Variants in TMEM132D observed in about 807,000 individuals in gnomAD.
TMEM132D encodes transmembrane protein 132D, also known as mature OL transmembrane protein.
A neutral mutation model predicts 62.3 loss-of-function variants in TMEM132D; 21 were observed. The ratio of observed to expected loss-of-function variants is 0.34; its 90% CI spans 0.24 to 0.49. The LOEUF is 0.49. Ranked by LOEUF, TMEM132D falls within the 20% of genes least tolerant of loss-of-function variation. The pLI is 0.99. For synonymous variants in TMEM132D, 621 were observed against 575.6 expected (o/e 1.08, Z -1.13); for missense variants, 1,346 against 1,402.8 (o/e 0.96, Z 0.65).
intron 3 of TMEM132D, among the ~76,000 whole-genome samples, chr12:129,444,800 G>C (rs955267175): frequency 6.6e-6 from 1 of 152,184 alleles, no homozygotes; most frequent in African/African-American, 2.4e-5. Context: ...ATACCAGTCA[G>C]AATGGCTACT....
At chr12:129,552,984 G>T (rs1876942355) in intron 2 of TMEM132D, among the ~76,000 whole-genome samples, 2 of 152,110 alleles carry the variant, frequency 1.3e-5, no homozygotes, top group African/African-American at 4.8e-5. Flanking sequence ...CTACAACATG[G>T]ATGCCCCAAG....
At chr12:129,605,587 T>TTATATA (rs71301340) in intron 2 of TMEM132D, among the ~76,000 whole-genome samples, 2,150 of 107,308 alleles carry the variant, frequency 0.02, 132 homozygotes, top group Admixed American at 0.056. Context: ...AAATTAGGCA[T>TTATATA]TATATATATA....
intron 1 of TMEM132D, among the ~76,000 whole-genome samples, chr12:129,712,318 G>T (rs1176175148): frequency 1.3e-5 from 2 of 152,074 alleles, no homozygotes; most frequent in Non-Finnish European, 2.9e-5. Context: ...TAGAAACGGG[G>T]TTTCACCATG....
intron 5 of TMEM132D, among the ~76,000 whole-genome samples, chr12:129,092,461 TA>T (rs1180669362): frequency 6.6e-6 from 1 of 152,106 alleles, no homozygotes; most frequent in African/African-American, 2.4e-5. Flanking sequence ...TGTCTTGGAT[TA>T]AAAATGTGGA....
At chr12:129,885,194 C>A (rs182552557) in intron 1 of TMEM132D, among the ~76,000 whole-genome samples, 56 of 152,296 alleles carry the variant, frequency 3.7e-4, no homozygotes, top group Middle Eastern at 3.4e-3. Flanking sequence ...TTGATTTTGG[C>A]AACGGTTACC....
At chr12:129,196,315 G>GT (rs1398592322) in intron 5 of TMEM132D, among the ~76,000 whole-genome samples, 2 of 152,168 alleles carry the variant, frequency 1.3e-5, no homozygotes, top group Admixed American at 6.5e-5. Context: ...AAGGGCATGT[G>GT]TCCCTCAGTC....
At chr12:129,352,538 T>C (rs1048373599) in intron 3 of TMEM132D, among the ~76,000 whole-genome samples, 1 of 151,548 alleles carries the variant, frequency 6.6e-6, no homozygotes, top group Admixed American at 6.6e-5. Flanking sequence ...ATCCAGAATC[T>C]ACAAGGAACT....
intron 1 of TMEM132D, among the ~76,000 whole-genome samples, chr12:129,707,124 TAAATC>T (rs1317641660): frequency 6.7e-6 from 1 of 148,838 alleles, no homozygotes; most frequent in Non-Finnish European, 1.5e-5. Flanking sequence ...AATTGAGAAT[TAAATC>T]AAAGAGGTGT....
intron 5 of TMEM132D, among the ~76,000 whole-genome samples, chr12:129,183,388 T>C (rs1878124213): frequency 6.6e-6 from 1 of 152,220 alleles, no homozygotes; most frequent in Non-Finnish European, 1.5e-5. Flanking sequence ...GTCAAAGCTC[T>C]CTGTGGCCGA....
intron 2 of TMEM132D, among the ~76,000 whole-genome samples, chr12:129,587,176 T>C (rs1029120199): frequency 2.6e-5 from 4 of 152,100 alleles, no homozygotes; most frequent in African/African-American, 9.7e-5. Context: ...AAAAAAAATG[T>C]GGTACATATA....
chr12:129,777,422 G>A (rs1870974159), intron 1 of TMEM132D, among the ~76,000 whole-genome samples: 1 of 152,208 alleles, frequency 6.6e-6, no homozygotes. Context: ...GCTAGATTCA[G>A]GCTGCAAGCT....
chr12:129,254,665 G>A lies in TMEM132D; in HGVS notation c.1300-45002C>T, dbSNP rs1880354900. Among the ~76,000 whole-genome samples the A allele has an allele frequency of 2.0e-5, 3 of 152,178 alleles. No homozygotes were observed. The South Asian group carries it at 6.2e-4, about 31-fold the overall frequency. On this transcript the variant is annotated intron_variant, in intron 4 of 8. Coordinates refer to ENST00000422113, the MANE Select transcript of TMEM132D (RefSeq NM_133448.3). ...GGGGGATTTGCTTATCCTTAGAGGG[G>A]TACATCTGTCGTGGAGACGGGTCTC... is the stretch of plus-strand genomic sequence containing the variant.
intron 2 of TMEM132D, among the ~76,000 whole-genome samples, chr12:129,634,195 G>C (rs1289070280): frequency 6.6e-6 from 1 of 152,126 alleles, no homozygotes; most frequent in African/African-American, 2.4e-5. Flanking sequence ...TGTCCAGGCA[G>C]GACACGGTGG....
At chr12:129,242,777 G>T (rs771678662) in intron 4 of TMEM132D, among the ~76,000 whole-genome samples, 36 of 95,514 alleles carry the variant, frequency 3.8e-4, no homozygotes, top group Non-Finnish European at 7.7e-4. Context: ...CTTATTTTCG[G>T]TAATTATCCC....
chr12:129,243,496 C>T (rs1218648893), intron 4 of TMEM132D, among the ~76,000 whole-genome samples: 3 of 152,146 alleles, frequency 2.0e-5, no homozygotes, highest in Non-Finnish European at 4.4e-5. Context: ...CAGAGTCCGG[C>T]TTAACCTTGT....
At chr12:129,378,182 C>G (rs187011769) in intron 3 of TMEM132D, among the ~76,000 whole-genome samples, 2 of 152,288 alleles carry the variant, frequency 1.3e-5, no homozygotes, top group African/African-American at 4.8e-5. Context: ...AATTAGGTGC[C>G]CTGCACCTGA....
chr12:129,541,699 A>G (rs1164007114), intron 2 of TMEM132D, among the ~76,000 whole-genome samples: 5 of 152,168 alleles, frequency 3.3e-5, no homozygotes, highest in Non-Finnish European at 7.3e-5. Context: ...TGAGTCTCCC[A>G]TCATGGGGTC....
chr12:129,650,997 C>T (rs573836594), intron 2 of TMEM132D, among the ~76,000 whole-genome samples: 1 of 152,342 alleles, frequency 6.6e-6, no homozygotes, highest in South Asian at 2.1e-4. Context: ...GCTATTGAAT[C>T]CAACACATCA....
chr12:129,316,299 C>T (rs944497369), intron 4 of TMEM132D, among the ~76,000 whole-genome samples: 4 of 152,174 alleles, frequency 2.6e-5, no homozygotes, highest in Admixed American at 6.5e-5. Flanking sequence ...AAACACTCCT[C>T]TTAGCACTGC....
Sources: allele counts gnomAD v4.1 joint callset (sites outside exome capture counted in the v4.1 genomes callset), GRCh38; gene constraint gnomAD v4.1.1; transcripts MANE v1.5; gene names NCBI Gene and HGNC (gene_info 2026-07-23, HGNC 2026-07-21).